Variants in LARGE1 observed in about 807,000 individuals in gnomAD.
LARGE1 encodes LARGE xylosyl- and glucuronyltransferase 1.
In LARGE1, 43 loss-of-function variants were observed where a neutral mutation model predicts 87.6. The observed-to-expected ratio is 0.49, with a 90% CI of 0.38 to 0.63. The LOEUF (loss-of-function observed/expected upper bound fraction) is 0.63. Among genes scored for constraint, LARGE1 ranks in the 30% least tolerant of loss-of-function variants. The pLI, the probability that LARGE1 is intolerant of heterozygous loss-of-function variation, is 0.00. For missense variants in LARGE1, 802 were observed against 1,000.2 expected, an observed-to-expected ratio of 0.80 and a Z score of 2.67; for synonymous variants, 434 against 394.6, an observed-to-expected ratio of 1.10 and a Z score of -1.18.
At chr22:33,652,468 TGGCACAA>T (rs2080849369) in intron 2 of LARGE1, among the ~76,000 whole-genome samples, 1 of 152,160 alleles carries the variant, frequency 6.6e-6, no homozygotes, top group Non-Finnish European at 1.5e-5. Context: ...GGAGCCCCAG[TGGCACAA>T]GGCATACCCA....
At chr22:33,781,698 C>T (rs370754172) in intron 1 of LARGE1, among the ~76,000 whole-genome samples, 32 of 152,316 alleles carry the variant, frequency 2.1e-4, no homozygotes, top group African/African-American at 7.5e-4. Flanking sequence ...GCAAATAATA[C>T]TTATCTAGCA....
intron 1 of LARGE1, among the ~76,000 whole-genome samples, chr22:33,780,120 G>C (rs560760445): frequency 6.6e-6 from 1 of 152,144 alleles, no homozygotes; most frequent in South Asian, 2.1e-4. Context: ...CAACCTTCAC[G>C]CGACATTGTG....
At chr22:33,700,390 G>T (rs1413028707) in intron 2 of LARGE1, among the ~76,000 whole-genome samples, 1 of 152,202 alleles carries the variant, frequency 6.6e-6, no homozygotes, top group Non-Finnish European at 1.5e-5. Context: ...AATGTCCAGA[G>T]AATTAATTGT....
intron 12 of LARGE1, among the ~76,000 whole-genome samples, chr22:33,288,948 AATTATT>A (rs111962265): frequency 0.018 from 2,727 of 150,956 alleles, 77 homozygotes; most frequent in African/African-American, 0.063. Flanking sequence ...TGGATCAAGG[AATTATT>A]ATTATTATTA....
chr22:33,519,486 T>TC (rs1464344420), intron 6 of LARGE1, among the ~76,000 whole-genome samples: 1 of 151,906 alleles, frequency 6.6e-6, no homozygotes, highest in African/African-American at 2.4e-5. Context: ...AGGCCACAGG[T>TC]CCCCATAAAA....
chr22:33,316,335 G>A, intron 10 of LARGE1, 87 bp from the exon 11 acceptor site: 1 of 1,336,638 alleles, frequency 7.5e-7, no homozygotes, highest in South Asian at 1.2e-5. Context: ...GCCCTCCCCT[G>A]AGTTTATTAC....
At chr22:33,891,177 G>A (rs1480428069) in intron 1 of LARGE1, among the ~76,000 whole-genome samples, 1 of 152,128 alleles carries the variant, frequency 6.6e-6, no homozygotes, top group Non-Finnish European at 1.5e-5. Flanking sequence ...CTCCAGAAAT[G>A]TTATCTTTCA....
In LARGE1 at chr22:33,819,441, C is replaced by T. The variant is rs75418301; in HGVS notation, c.-82-57883G>A. 4.5e-3 allele frequency among the ~76,000 whole-genome samples: 691 copies of T among 152,152 alleles called. 3 individuals carry two copies. Among genetic ancestry groups the T allele is most frequent in the African/African-American group, 0.015 (631 of 41,504 alleles). ...CAGGTTTTTCTCCCCTTGCCAACTA[C>T]GTCACCATCCAGGGCAACTCCAGCA... On this transcript the variant is annotated intron_variant, in intron 1 of 14. Coordinates refer to ENST00000397394, the MANE Select transcript of LARGE1 (RefSeq NM_133642.5).
chr22:33,432,035 C>T, intron 7 of LARGE1, 126 bp downstream of exon 7: 1 of 758,924 alleles, frequency 1.3e-6, no homozygotes. Context: ...CACAAACCAT[C>T]CACCACTGAA....
intron 4 of LARGE1, among the ~76,000 whole-genome samples, chr22:33,610,779 C>T (rs540385840): frequency 1.1e-4 from 17 of 152,282 alleles, no homozygotes; most frequent in African/African-American, 3.8e-4. Flanking sequence ...CCTCCCATTA[C>T]AGGCCCAGAG....
chr22:33,781,698 C>G (rs370754172), intron 1 of LARGE1, among the ~76,000 whole-genome samples: 1 of 152,198 alleles, frequency 6.6e-6, no homozygotes, highest in African/African-American at 2.4e-5. Flanking sequence ...GCAAATAATA[C>G]TTATCTAGCA....
chr22:33,078,095 C>T, the LARGE1 span, among the ~76,000 whole-genome samples: 2 of 152,160 alleles, frequency 1.3e-5, no homozygotes, highest in African/African-American at 2.4e-5. Flanking sequence ...AATCAATTTT[C>T]TCCGGTGATT....
intron 6 of LARGE1, among the ~76,000 whole-genome samples, chr22:33,458,044 A>G (rs1348298549): frequency 1.3e-5 from 2 of 152,156 alleles, no homozygotes; most frequent in Non-Finnish European, 2.9e-5. Flanking sequence ...ATATCTGTAA[A>G]CCATCTAACT....
intron 1 of LARGE1, among the ~76,000 whole-genome samples, chr22:33,880,753 T>C (rs527379257): frequency 4.6e-4 from 70 of 152,290 alleles, no homozygotes; most frequent in African/African-American, 1.6e-3. Context: ...AAAATTCATA[T>C]GGATATTTTC....
downstream of LARGE1, chr22:33,162,094 C>T (rs1487509922): frequency 6.6e-6 from 1 of 152,212 alleles, no homozygotes; most frequent in East Asian, 1.9e-4. Flanking sequence ...TGCCTGTTAC[C>T]CAGTTCCAAA....
intron 12 of LARGE1, among the ~76,000 whole-genome samples, chr22:33,301,573 A>G (rs1166455918): frequency 1.3e-5 from 2 of 152,174 alleles, no homozygotes; most frequent in African/African-American, 4.8e-5. Flanking sequence ...TAAAGCAATA[A>G]TGGCACGATT....
At chr22:33,087,170 C>G in the LARGE1 span, among the ~76,000 whole-genome samples, 1 of 151,856 alleles carries the variant, frequency 6.6e-6, no homozygotes, top group Non-Finnish European at 1.5e-5. Flanking sequence ...CTTCCACTCT[C>G]TTATTTTTTT....
the LARGE1 span, among the ~76,000 whole-genome samples, chr22:33,155,070 C>T: frequency 6.6e-6 from 1 of 152,168 alleles, no homozygotes; most frequent in Non-Finnish European, 1.5e-5. Flanking sequence ...TCCAATAAAC[C>T]TCTTTCTTTT....
At chr22:33,572,395 G>A (rs1222859031) in intron 5 of LARGE1, 1 of 287,498 alleles carries the variant, frequency 3.5e-6, no homozygotes, top group Middle Eastern at 1.3e-3. Context: ...ATGAGCACGA[G>A]CTTTGGAGTC....
Sources: gnomAD v4.1 joint callset for allele counts (sites outside exome capture counted in the v4.1 genomes callset) on GRCh38, gnomAD v4.1.1 for gene constraint, MANE v1.5 for transcripts, NCBI Gene and HGNC (gene_info 2026-07-23, HGNC 2026-07-21) for gene names.